The following TMPRSS15 variants were observed in gnomAD, a reference collection of about 807,000 sequenced individuals.
TMPRSS15 encodes transmembrane serine protease 15, also known as enteropeptidase.
TMPRSS15 carries 128 observed loss-of-function variants against 125.3 expected under a neutral mutation model. That is an observed-to-expected ratio of 1.02 (90% CI 0.89 to 1.18). The LOEUF (loss-of-function observed/expected upper bound fraction) is 1.18, where lower values mean the gene tolerates loss of function less well. Among genes scored for constraint, TMPRSS15 ranks in the 50% most tolerant of loss-of-function variants. The probability of loss-of-function intolerance (pLI) is 0.00; values close to 1 mark genes in which losing one functional copy is unlikely to be tolerated. For missense variants in TMPRSS15, 1,283 were observed against 1,212.7 expected (o/e 1.06, Z -0.86); for synonymous variants, 446 against 423.2 (o/e 1.05, Z -0.66).
At chr21:18,454,727 G>A (rs1401750141) in intron 1 of TMPRSS15, among the ~76,000 whole-genome samples, 1 of 152,096 alleles carries the variant, frequency 6.6e-6, no homozygotes, top group Non-Finnish European at 1.5e-5. Flanking sequence ...CTGCCTTTTT[G>A]TGCTATCTTG....
At chr21:18,479,215 C>T (rs1484438896) in intron 1 of TMPRSS15, among the ~76,000 whole-genome samples, 1 of 151,884 alleles carries the variant, frequency 6.6e-6, no homozygotes, top group Non-Finnish European at 1.5e-5. Context: ...GTCCATGGCC[C>T]TTAAAGTTGG....
intron 23 of TMPRSS15, among the ~76,000 whole-genome samples, chr21:18,278,606 AG>A (rs1185645973): frequency 1.5e-4 from 2 of 13,140 alleles, no homozygotes; most frequent in Non-Finnish European, 2.3e-4. Context: ...CTGTGGTCCC[AG>A]CTACTTTGGG....
intron 13 of TMPRSS15, among the ~76,000 whole-genome samples, chr21:18,337,969 G>A (rs1000251875): frequency 6.6e-6 from 1 of 152,062 alleles, no homozygotes; most frequent in Non-Finnish European, 1.5e-5. Context: ...AATAGACTCC[G>A]GGCAGATTCT....
chr21:18,363,034 T>C (rs1241126017), intron 7 of TMPRSS15, among the ~76,000 whole-genome samples: 1 of 152,178 alleles, frequency 6.6e-6, no homozygotes, highest in Non-Finnish European at 1.5e-5. Context: ...AAAATATAGT[T>C]TAATTGCATC....
In TMPRSS15 at chr21:18,329,210, A is replaced by G; in HGVS notation, c.1739T>C (p.Val580Ala). 3.7e-6 allele frequency: 6 copies of G among 1,612,676 alleles called. No homozygotes were observed. Among genetic ancestry groups the G allele is most frequent in the Non-Finnish European group, 5.1e-6 (6 of 1,179,050 alleles). The stretch of plus-strand genomic sequence containing the variant: ...AGCTTCTTCACCATCTCTTATTTCA[A>G]CTACATCGTTAATATTTTCTAAGTC... ...EFDLENINDV[V>A]EIRDGEEADS... is the part of the protein sequence containing the mutation. Residue 580 changes from valine to alanine, a missense_variant, in exon 15 of 25, where the codon GTT becomes GCT. By Grantham distance (64) the Val-to-Ala change is moderately conservative (BLOSUM62 0). Transcript: ENST00000284885.
In TMPRSS15 at chr21:18,467,423, T is replaced by A. The variant is rs143450086; in HGVS notation, c.10+18376A>T. The stretch of plus-strand genomic sequence containing the variant: ...AGTATAATAATAATAATAATAATAA[T>A]AAACTAAGTTCCTACTTGCCTATCA... On this transcript the variant is annotated intron_variant, in intron 1 of 7. Coordinates refer to the TMPRSS15 transcript ENST00000422787. Among the ~76,000 whole-genome samples the A allele has an allele frequency of 7.4e-3, 1,125 of 151,558 alleles. 15 individuals are homozygous for A. The highest frequency in any genetic ancestry group is 0.025 in the African/African-American group (1,049 of 41,272).
At chr21:18,478,604 T>C (rs1336156915) in intron 1 of TMPRSS15, among the ~76,000 whole-genome samples, 5 of 151,974 alleles carry the variant, frequency 3.3e-5, no homozygotes, top group African/African-American at 9.7e-5. Context: ...TGATACAGAG[T>C]ACCACATGGC....
At chr21:18,408,708 CATCTT>C (rs1196633273), upstream of TMPRSS15, among the ~76,000 whole-genome samples, 14 of 152,058 alleles carry the variant, frequency 9.2e-5, no homozygotes, top group African/African-American at 2.4e-4. Context: ...ATTTAATAAA[CATCTT>C]AACTAGGCAC....
chr21:18,325,898 A>C (rs2075284030), intron 16 of TMPRSS15, among the ~76,000 whole-genome samples: 1 of 151,882 alleles, frequency 6.6e-6, no homozygotes, highest in South Asian at 2.1e-4. Context: ...GCTCCTGTTG[A>C]TTATTTTATG....
At chr21:18,368,240 G>A (rs182940786) in intron 6 of TMPRSS15, among the ~76,000 whole-genome samples, 25 of 152,194 alleles carry the variant, frequency 1.6e-4, no homozygotes, top group Admixed American at 7.9e-4. Flanking sequence ...ACAGCTTTGC[G>A]CTGCACAATG....
intron 1 of TMPRSS15, among the ~76,000 whole-genome samples, chr21:18,440,254 T>C (rs1375966853): frequency 6.7e-6 from 1 of 149,016 alleles, no homozygotes; most frequent in Non-Finnish European, 1.5e-5. Flanking sequence ...GCGCCTGTAG[T>C]CCCAGCTACA....
chr21:18,305,682 C>T (rs1220652504), intron 18 of TMPRSS15, among the ~76,000 whole-genome samples: 1 of 152,158 alleles, frequency 6.6e-6, no homozygotes, highest in African/African-American at 2.4e-5. Flanking sequence ...GTCAGTGGTA[C>T]ACCTATTGTC....
intron 22 of TMPRSS15, among the ~76,000 whole-genome samples, chr21:18,280,122 A>C (rs1481252153): frequency 3.3e-5 from 5 of 152,170 alleles, no homozygotes. Context: ...CTTTCTCCTA[A>C]CCGGGCACTG....
intron 1 of TMPRSS15, among the ~76,000 whole-genome samples, chr21:18,423,691 C>T (rs1471325335): frequency 1.3e-5 from 2 of 150,852 alleles, no homozygotes; most frequent in Non-Finnish European, 3.0e-5. Context: ...GCTGGGATGA[C>T]AGGCCTGAGC....
At chr21:18,444,241 C>T (rs1321772678) in intron 1 of TMPRSS15, among the ~76,000 whole-genome samples, 1 of 152,138 alleles carries the variant, frequency 6.6e-6, no homozygotes, top group East Asian at 1.9e-4. Context: ...CCTAAATGCC[C>T]ATTAACGGAA....
chr21:18,275,386 A>C (rs548607332), intron 23 of TMPRSS15, 50 bp from the exon 24 acceptor site: 1 of 1,607,936 alleles, frequency 6.2e-7, no homozygotes, highest in African/African-American at 1.3e-5. Flanking sequence ...ATCAACATGC[A>C]TCCTTGAATG....
At chr21:18,330,887 A>C (rs1267696405) in intron 14 of TMPRSS15, among the ~76,000 whole-genome samples, 1 of 151,986 alleles carries the variant, frequency 6.6e-6, no homozygotes, top group Non-Finnish European at 1.5e-5. Context: ...CCTGGCTAAC[A>C]CGGTGAAACC....
At chr21:18,270,265 C>CACTT (rs2074539578) in intron 24 of TMPRSS15, 141 bp from the exon 25 acceptor site, 1 of 660,222 alleles carries the variant, frequency 1.5e-6, no homozygotes, top group Admixed American at 2.7e-5. Context: ...TATATATTCT[C>CACTT]ACTTTCACTC....
At chr21:18,485,216 A>G (rs1417470931) in intron 1 of TMPRSS15, among the ~76,000 whole-genome samples, 2 of 151,910 alleles carry the variant, frequency 1.3e-5, no homozygotes, top group African/African-American at 4.8e-5. Context: ...TGTATCCAAT[A>G]AATTGTTAAA....
Sources: gnomAD v4.1 joint callset for allele counts (sites outside exome capture counted in the v4.1 genomes callset) on GRCh38, gnomAD v4.1.1 for gene constraint, MANE v1.5 for transcripts, NCBI Gene and HGNC (gene_info 2026-07-23, HGNC 2026-07-21) for gene names.